Variants in WNK2 observed in about 807,000 individuals in gnomAD.
WNK2 encodes WNK lysine deficient protein kinase 2, also known as serine/threonine-protein kinase WNK2.
Under a neutral mutation model 192.1 loss-of-function variants are expected in WNK2, and 67 were observed. That is an observed-to-expected ratio of 0.35 (90% CI 0.29 to 0.43). The LOEUF is 0.43. Ranked by LOEUF, WNK2 falls within the 20% of genes least tolerant of loss-of-function variation. WNK2 has a pLI of 1.00. For missense variants in WNK2, 2,698 were observed against 3,089.7 expected, an observed-to-expected ratio of 0.87 and a Z score of 3.01; for synonymous variants, 1,439 against 1,393.9, an observed-to-expected ratio of 1.03 and a Z score of -0.72.
At chr9:93,195,582 C>G (rs1202401318) in intron 2 of WNK2, among the ~76,000 whole-genome samples, 2 of 150,784 alleles carry the variant, frequency 1.3e-5, no homozygotes, top group East Asian at 3.9e-4. Flanking sequence ...GCCTATAATC[C>G]CAGCTACTTG....
chr9:93,208,992 C>A (rs1310675717), intron 2 of WNK2, among the ~76,000 whole-genome samples: 1 of 152,150 alleles, frequency 6.6e-6, no homozygotes, highest in Non-Finnish European at 1.5e-5. Context: ...GGTGCCCTGG[C>A]AGAGCAGCCT....
intron 2 of WNK2, among the ~76,000 whole-genome samples, chr9:93,219,811 C>A (rs1836498731): frequency 1.3e-5 from 2 of 152,258 alleles, no homozygotes; most frequent in Admixed American, 1.3e-4. Context: ...GCTTGCCCAC[C>A]TGCTTCCTCG....
chr9:93,292,481 G>T lies in WNK2; in HGVS notation c.5026-10G>T. The T allele has an allele frequency of 6.2e-7, 1 of 1,606,786 alleles. No individual in the cohort carries two copies. The highest frequency in any genetic ancestry group is 8.5e-7 in the Non-Finnish European group (1 of 1,175,352). On this transcript the variant is annotated splice_polypyrimidine_tract_variant and intron_variant, in intron 22 of 29. Transcript: ENST00000427277. ...ACATGAAACCTCTTCATCTCCGCTT[G>T]TTTCCCAAGGATGTACCTGCTTTTG...
At chr9:93,276,269 A>G (rs1160100205) in intron 19 of WNK2, among the ~76,000 whole-genome samples, 1 of 152,222 alleles carries the variant, frequency 6.6e-6, no homozygotes, top group African/African-American at 2.4e-5. Flanking sequence ...GTGGAACAGA[A>G]TGAGCCCAGA....
rs1054128871 is a variant in WNK2 at position 93,247,794 on chromosome 9, C to G, written c.1794C>G (p.Leu598=). The change falls in exon 8 of 30, where the codon CTC becomes CTG. Residue 598 remains leucine, a synonymous_variant. Transcript: ENST00000427277. The surrounding 1 kb of genome is among the most constrained non-coding windows in gnomAD (Gnocchi z 5.2). ...EPEEPEADQH[L]LPPTLPTSAT... ...AGGAGCCGGAGGCCGACCAGCACCT[C>G]CTGCCACCTACGTTGCCGACCAGCG... The G allele has an allele frequency of 6.5e-7, 1 of 1,546,152 alleles. No individual in the cohort carries two copies. The highest frequency in any genetic ancestry group is 8.7e-7 in the Non-Finnish European group (1 of 1,148,412).
chr9:93,226,527 G>A (rs534603108), intron 2 of WNK2, among the ~76,000 whole-genome samples: 14 of 152,150 alleles, frequency 9.2e-5, no homozygotes, highest in African/African-American at 3.1e-4. Flanking sequence ...AAGTGTGCAA[G>A]TTGAGCTCTG....
rs900242458 is a variant in WNK2, at chr9:93,259,802, G to A, written c.3066+188G>A. Reference sequence around the variant, plus strand: ...AGCGCGAGGCATCTGCATCTCTTCCGTTTTCCGAATGGGTCAGGAGATGCA... The same window carrying A: ...AGCGCGAGGCATCTGCATCTCTTCCATTTTCCGAATGGGTCAGGAGATGCA... On this transcript the variant is annotated intron_variant, in intron 12 of 29. Coordinates refer to ENST00000427277, the MANE Select transcript of WNK2 (RefSeq NM_006648.4). The surrounding 1 kb of genome is among the most constrained non-coding windows in gnomAD (Gnocchi z 4.8). Among the ~76,000 whole-genome samples, 4 of 152,226 alleles carry A rather than the reference G, an allele frequency of 2.6e-5. No individual in the cohort carries two copies. Among genetic ancestry groups the A allele is most frequent in the African/African-American group, 4.8e-5 (2 of 41,468 alleles).
chr9:93,259,455 C>A lies in WNK2; in HGVS notation c.2907C>A (p.Pro969=). ...CGCTGCCCCCTCAACCTGTGTTGCCCCCGCAACCCACACGGCCCCCTCAAC... is the reference window on the plus strand; with the variant it reads ...CGCTGCCCCCTCAACCTGTGTTGCCACCGCAACCCACACGGCCCCCTCAAC... ...QPTLPPQPVL[P]PQPTRPPQPV... The change falls in exon 12 of 30, where the codon CCC becomes CCA. Residue 969 remains proline, a synonymous_variant. Coordinates refer to ENST00000427277, the MANE Select transcript of WNK2 (RefSeq NM_006648.4). This position sits in a 1 kb window ranked among gnomAD's most constrained non-coding sequence, Gnocchi z 4.8. 1 of 1,457,110 alleles carries A rather than the reference C, an allele frequency of 6.9e-7. No individual in the cohort carries two copies. The highest frequency in any genetic ancestry group is 9.1e-7 in the Non-Finnish European group (1 of 1,102,970). 90.3% of individuals were successfully genotyped at this position (1,457,110 alleles called of 1,614,324 possible).
At chr9:93,307,598 C>G (rs1353554062) in intron 27 of WNK2, 1 of 152,338 alleles carries the variant, frequency 6.6e-6, no homozygotes, top group Non-Finnish European at 1.5e-5. Context: ...AGCAGAGCGG[C>G]TCCCAGCTCC....
intron 26 of WNK2, among the ~76,000 whole-genome samples, chr9:93,302,378 C>G (rs1192980632): frequency 6.6e-6 from 1 of 151,878 alleles, no homozygotes; most frequent in Non-Finnish European, 1.5e-5. Flanking sequence ...GGGGGTCGCG[C>G]TGCAAGTAGA....
chr9:93,242,836 G>A (rs1274704508), intron 7 of WNK2, among the ~76,000 whole-genome samples: 1 of 152,232 alleles, frequency 6.6e-6, no homozygotes, highest in Non-Finnish European at 1.5e-5. Flanking sequence ...TGGTGCTGAG[G>A]TCTGGGCCAA....
intron 29 of WNK2, chr9:93,318,128 C>G: frequency 6.5e-7 from 1 of 1,534,662 alleles, no homozygotes; most frequent in Non-Finnish European, 8.7e-7. Flanking sequence ...CCTTGAATGC[C>G]AGCTTTTCCG....
chr9:93,259,054 C>T lies in WNK2; in HGVS notation c.2506C>T (p.Pro836Ser). The T allele has an allele frequency of 1.9e-6, 3 of 1,613,194 alleles. No homozygotes were observed. The highest frequency in any genetic ancestry group is 2.5e-6 in the Non-Finnish European group (3 of 1,179,760). The change falls in exon 12 of 30, where the codon CCA becomes TCA. Residue 836 changes from proline to serine, a missense_variant. Around this residue, in one of 7 missense-constraint regions of WNK2, gnomAD observed 893 missense variants for 909.0 expected, o/e 0.98. Coordinates refer to ENST00000427277, the MANE Select transcript of WNK2 (RefSeq NM_006648.4). The surrounding 1 kb of genome is among the most constrained non-coding windows in gnomAD (Gnocchi z 4.8). Reference sequence around the variant, plus strand: ...CGTGCCACCACCTCAGTATTTCTCTCCAGCCGTGATCTTGCCGAGCCTCGC... The same window carrying T: ...CGTGCCACCACCTCAGTATTTCTCTTCAGCCGTGATCTTGCCGAGCCTCGC... ...PPVPPPQYFSPAVILPSLAAP... is the reference protein window; with the variant it reads ...PPVPPPQYFSSAVILPSLAAP...
At chr9:93,240,513 G>A (rs1840583616) in intron 7 of WNK2, among the ~76,000 whole-genome samples, 1 of 152,182 alleles carries the variant, frequency 6.6e-6, no homozygotes, top group African/African-American at 2.4e-5. Flanking sequence ...GATGAGGAGT[G>A]GGTTGGGGCT....
chr9:93,297,834 C>A lies in WNK2; in HGVS notation c.5709-19C>A. On this transcript the variant is annotated intron_variant, in intron 23 of 29. Coordinates refer to ENST00000427277, the MANE Select transcript of WNK2 (RefSeq NM_006648.4). ...CACCGAGGAAGCCCATCGGCGCTCCCTCCTGTCCCCTCCTGCAGGCACCTG... is the reference window on the plus strand; with the variant it reads ...CACCGAGGAAGCCCATCGGCGCTCCATCCTGTCCCCTCCTGCAGGCACCTG... 6.4e-7 allele frequency: 1 copy of A among 1,559,318 alleles called. No homozygotes were observed. The highest frequency in any genetic ancestry group is 1.4e-5 in the African/African-American group (1 of 73,506).
At chr9:93,292,450 A>T (rs772882478) in intron 22 of WNK2, 41 bp from the exon 23 acceptor site, 1 of 1,613,206 alleles carries the variant, frequency 6.2e-7, no homozygotes, top group East Asian at 2.2e-5. Flanking sequence ...CTCTGTGCTG[A>T]TGTTCACATG....
rs55821719 is a variant in WNK2 at position 93,268,679 on chromosome 9, C to T, written c.3966C>T (p.Pro1322=). 7,008 of 1,613,488 alleles carry T rather than the reference C, an allele frequency of 4.3e-3. 64 individuals are homozygous for T. The highest frequency in any genetic ancestry group is 0.02 in the Middle Eastern group (120 of 6,058). The change falls in exon 19 of 30, where the codon CCC becomes CCT. Residue 1322 remains proline (P), a synonymous_variant. Coordinates refer to ENST00000427277, the MANE Select transcript of WNK2 (RefSeq NM_006648.4). Reference sequence around the variant, plus strand: ...TCATCTGTCCGGTGGCTGAGCACCCCGCCCCCGAGGCCCCTGAATCTTCGC... The same window carrying T: ...TCATCTGTCCGGTGGCTGAGCACCCTGCCCCCGAGGCCCCTGAATCTTCGC... The part of the protein sequence containing the change: ...WFIICPVAEH[P]APEAPESSPP...
chr9:93,264,181 C>A (rs1295339296), intron 16 of WNK2, 148 bp downstream of exon 16: 2 of 648,052 alleles, frequency 3.1e-6, no homozygotes, highest in South Asian at 3.5e-5. Flanking sequence ...TGACCTTTTA[C>A]GCCTCGGGCT....
At chr9:93,294,024 T>C (rs1257390496) in intron 23 of WNK2, among the ~76,000 whole-genome samples, 2 of 151,970 alleles carry the variant, frequency 1.3e-5, no homozygotes, top group Non-Finnish European at 2.9e-5. Context: ...ATATTTATTC[T>C]GTCCTGCTGC....
Sources: gnomAD v4.1 joint callset for allele counts (sites outside exome capture counted in the v4.1 genomes callset) on GRCh38, gnomAD v4.1.1 for gene constraint, gnomAD v4.1.1 regional missense constraint, Gnocchi (gnomAD v3.1) non-coding constraint, MANE v1.5 for transcripts, NCBI Gene and HGNC (gene_info 2026-07-23, HGNC 2026-07-21) for gene names.